Variants in PHRF1 observed in about 807,000 individuals in gnomAD.
The protein encoded by PHRF1 is PHD and RING finger domain-containing protein 1.
A neutral mutation model predicts 128.9 loss-of-function variants in PHRF1; 53 were observed. The observed-to-expected ratio is 0.41, with a 90% CI of 0.33 to 0.52. PHRF1 has a LOEUF of 0.52. PHRF1 is among the 20% of genes least tolerant of loss of function. The pLI is 0.21. For synonymous variants in PHRF1, 1,178 were observed against 980.6 expected (o/e 1.20, Z -3.76); for missense variants, 2,503 against 2,284.5 (o/e 1.10, Z -1.95).
chr11:596,939 T>C lies in PHRF1; in HGVS notation c.637T>C (p.Leu213=), dbSNP rs781470387. ...GCDAGYHMEC[L]DPPLQEVPVD... is the part of the protein sequence containing the mutation. ...CTCCTGTAGGTACCACATGGAATGC[T>C]TGGACCCCCCTCTCCAGGAGGTGCC... Residue 213 remains leucine (L), a synonymous_variant, in exon 7 of 18, where the codon TTG becomes CTG. Transcript: ENST00000264555. 1 of 1,613,858 alleles carries C rather than the reference T, an allele frequency of 6.2e-7. No individual in the cohort carries two copies. The highest frequency in any genetic ancestry group is 8.5e-7 in the Non-Finnish European group (1 of 1,179,872).
At chr11:583,384 G>T (rs762085065) in intron 3 of PHRF1, among the ~76,000 whole-genome samples, 1 of 152,038 alleles carries the variant, frequency 6.6e-6, no homozygotes, top group Admixed American at 6.6e-5. Context: ...GGGCGTGGTG[G>T]TGCGTGCCTG....
chr11:598,266 G>T (rs1368693104), intron 8 of PHRF1, 107 bp from the exon 9 acceptor site: 1 of 1,400,368 alleles, frequency 7.1e-7, no homozygotes, highest in East Asian at 2.7e-5. Flanking sequence ...AGGCTGTCCT[G>T]CTTCTCTGGC....
At chr11:594,759 A>G (rs924116063) in intron 6 of PHRF1, among the ~76,000 whole-genome samples, 2 of 152,216 alleles carry the variant, frequency 1.3e-5, no homozygotes, top group Non-Finnish European at 2.9e-5. Context: ...ACTATGCCCA[A>G]CCTAGTTGTA....
At chr11:577,103 G>C (rs1054431176) in intron 1 of PHRF1, among the ~76,000 whole-genome samples, 1 of 152,194 alleles carries the variant, frequency 6.6e-6, no homozygotes, top group African/African-American at 2.4e-5. Context: ...GTGGGCTTCT[G>C]GCCTTGTCTG....
rs760348941 is a variant in PHRF1 at position 610,480 on chromosome 11, C to T, written c.4417-21C>T. 8 of 1,596,134 alleles carry T rather than the reference C, an allele frequency of 5.0e-6. No homozygotes were observed. In the Admixed American group the frequency reaches 6.8e-5, roughly 13 times the overall value. ...GCTGCTAGCTGTAGGGCCCAGTGCT[C>T]AGCAGGGGTGTCCCTCCCAGGTTTA... is the stretch of plus-strand genomic sequence containing the variant. On this transcript the variant is annotated intron_variant, in intron 15 of 17. Coordinates refer to ENST00000264555, the MANE Select transcript of PHRF1 (RefSeq NM_001286581.2).
Position 612,015 on chromosome 11 carries a change from A to G in PHRF1, c.*238A>G. ...ACACTTTTGTATGTATATTATAGAG[A>G]CACTGTTTCCATTCTAATTTATCAA... On this transcript the variant is annotated 3_prime_UTR_variant, in exon 18 of 18. Transcript: ENST00000264555. 3.7e-6 allele frequency: 2 copies of G among 545,340 alleles called. No individual in the cohort carries two copies. Among genetic ancestry groups the G allele is most frequent in the Non-Finnish European group, 6.3e-6 (2 of 317,438 alleles). 33.8% of individuals were successfully genotyped at this position (545,340 alleles called of 1,614,324 possible).
intron 10 of PHRF1, 42 bp from the exon 11 acceptor site, chr11:605,076 TC>T: frequency 6.4e-7 from 1 of 1,563,246 alleles, no homozygotes; most frequent in Non-Finnish European, 8.7e-7. Flanking sequence ...GTAGATGCCA[TC>T]CCCGTCTCTC....
intron 17 of PHRF1, among the ~76,000 whole-genome samples, 156 bp from the exon 18 acceptor site, chr11:611,478 C>A (rs1278301603): frequency 6.6e-6 from 1 of 152,178 alleles, no homozygotes; most frequent in African/African-American, 2.4e-5. Context: ...GGGGGTCTCA[C>A]ATAGGTGGGG....
rs772887937 is a variant in PHRF1 at position 598,391 on chromosome 11, G to A, written c.913G>A (p.Gly305Arg). ...RRVQHTPGRLGSSLLDEAIEA... is the reference protein window; with the variant it reads ...RRVQHTPGRLRSSLLDEAIEA... ...CCTGTAGCACACACCAGGGCGCCTC[G>A]GGTCTTCCCTGCTGGATGAAGCCAT... The change falls in exon 9 of 18, where the codon GGG becomes AGG. Residue 305 changes from glycine to arginine, a missense_variant. Physicochemically the swap from Gly to Arg is moderately radical, Grantham distance 125. Transcript: ENST00000264555. The A allele has an allele frequency of 8.1e-6, 13 of 1,610,068 alleles. No individual in the cohort carries two copies. The highest frequency in any genetic ancestry group is 1.1e-5 in the South Asian group (1 of 91,066).
intron 1 of PHRF1, among the ~76,000 whole-genome samples, chr11:580,661 G>A (rs1854149497): frequency 6.6e-6 from 1 of 152,214 alleles, no homozygotes; most frequent in South Asian, 2.1e-4. Flanking sequence ...AGGCCGTTTT[G>A]TTCGTATATG....
intron 6 of PHRF1, among the ~76,000 whole-genome samples, chr11:596,523 C>G (rs1855287878): frequency 1.3e-5 from 2 of 152,190 alleles, no homozygotes; most frequent in South Asian, 4.1e-4. Context: ...TGTGTCGCAG[C>G]CAGCTCAGTT....
chr11:591,412 C>A lies in PHRF1; in HGVS notation c.449C>A (p.Thr150Asn), dbSNP rs774511285. Reference protein sequence around the residue: ...KNANSCPVDRTLFKCICIRAQ... With the variant: ...KNANSCPVDRNLFKCICIRAQ... ...GCCAATTCCTGTCCAGTTGATCGAACTCTATTTAAGTGCATTTGTATTCGA... is the reference window on the plus strand; with the variant it reads ...GCCAATTCCTGTCCAGTTGATCGAAATCTATTTAAGTGCATTTGTATTCGA... Residue 150 changes from threonine to asparagine, a missense_variant, in exon 5 of 18, where the codon ACT becomes AAT. By Grantham distance (65) the Thr-to-Asn change is moderately conservative. Coordinates refer to ENST00000264555, the MANE Select transcript of PHRF1 (RefSeq NM_001286581.2). 1 of 1,609,846 alleles carries A rather than the reference C, an allele frequency of 6.2e-7. No individual in the cohort carries two copies.
intron 9 of PHRF1, 27 bp from the exon 10 acceptor site, chr11:601,547 G>T (rs774173706): frequency 4.3e-6 from 7 of 1,613,254 alleles, no homozygotes; most frequent in Non-Finnish European, 5.1e-6. Context: ...GCACAGAGAA[G>T]CACAGACTTC....
chr11:608,691 C>A lies in PHRF1; in HGVS notation c.3235C>A (p.Arg1079=). Residue 1079 remains arginine (R), a synonymous_variant, in exon 14 of 18, where the codon CGG becomes AGG. Coordinates refer to ENST00000264555, the MANE Select transcript of PHRF1 (RefSeq NM_001286581.2). ...CAAGGACAAGAGCAGGGAGCACAGG[C>A]GGGGCCCCTGGGGCCACAGCCGGAG... ...KAKDKSREHR[R]GPWGHSRRTS... is the part of the protein sequence containing the mutation. The A allele has an allele frequency of 6.2e-7, 1 of 1,611,734 alleles. No homozygotes were observed. Among genetic ancestry groups the A allele is most frequent in the East Asian group, 2.2e-5 (1 of 44,856 alleles).
chr11:581,737 G>A (rs939305415), intron 2 of PHRF1, 131 bp downstream of exon 2: 4 of 1,045,146 alleles, frequency 3.8e-6, no homozygotes, highest in Admixed American at 6.1e-5. Context: ...ATTTTAAATT[G>A]CGGAAGTAGT....
rs1246828429 is a variant in PHRF1, at chr11:608,509, G to A, written c.3053G>A (p.Arg1018His). 4.1e-6 allele frequency: 6 copies of A among 1,448,012 alleles called. No homozygotes were observed. Among genetic ancestry groups the A allele is most frequent in the East Asian group, 2.2e-5 (1 of 44,824 alleles). 89.7% of individuals were successfully genotyped at this position (1,448,012 alleles called of 1,614,324 possible). A position where few individuals can be genotyped will look rare whatever the true frequency, so the allele number is the denominator to read the frequency against. Residue 1018 changes from arginine (R) to histidine (H), a missense_variant, in exon 14 of 18, where the codon CGC becomes CAC. Physicochemically the swap from Arg to His is conservative, Grantham distance 29. Transcript: ENST00000264555. ...GTGTCCAGGGAGCACGGACGGACGCGCTCTGGGACGCGCTCTGAATCCAGG... is the reference window on the plus strand; with the variant it reads ...GTGTCCAGGGAGCACGGACGGACGCACTCTGGGACGCGCTCTGAATCCAGG... Reference protein sequence around the residue: ...KRVSREHGRTRSGTRSESRDR... With the variant: ...KRVSREHGRTHSGTRSESRDR...
chr11:601,650 A>G lies in PHRF1; in HGVS notation c.1101A>G (p.Arg367=), dbSNP rs1360157450. Residue 367 remains arginine (R), a synonymous_variant, in exon 10 of 18, where the codon AGA becomes AGG. Coordinates refer to ENST00000264555, the MANE Select transcript of PHRF1 (RefSeq NM_001286581.2). ...PSAKSKSSAT[R]SKKRQHRVKK... is the part of the protein sequence containing the mutation. ...CAAAAAGTAAGAGCTCAGCGACAAG[A>G]TCTAAGAAACGCCAACATCGAGTGA... 1.9e-6 allele frequency: 3 copies of G among 1,613,708 alleles called. No individual in the cohort carries two copies. In the African/African-American group the frequency reaches 4.0e-5, roughly 22 times the overall value.
chr11:608,386 T>G lies in PHRF1; in HGVS notation c.2930T>G (p.Leu977Arg). ...GAAGCCCCACCCAGCCCGGACGTGC[T>G]GCAGGCTGCCACCCACAGAGTCGTG... ...EPEAPPSPDV[L>R]QAATHRVVEL... The change falls in exon 14 of 18, where the codon CTG (leucine) becomes CGG (arginine). Residue 977 changes from leucine to arginine, a missense_variant. Transcript: ENST00000264555. 1.9e-6 allele frequency: 3 copies of G among 1,611,680 alleles called. No homozygotes were observed. The highest frequency in any genetic ancestry group is 2.5e-6 in the Non-Finnish European group (3 of 1,179,544).
rs1387732613 is a variant in PHRF1 at position 597,821 on chromosome 11, G to A, written c.894+251G>A. 6.6e-6 allele frequency among the ~76,000 whole-genome samples: 1 copy of A among 152,150 alleles called. No homozygotes were observed. Among genetic ancestry groups the A allele is most frequent in the East Asian group, 1.9e-4 (1 of 5,188 alleles). On this transcript the variant is annotated intron_variant, in intron 8 of 17. Coordinates refer to ENST00000264555, the MANE Select transcript of PHRF1 (RefSeq NM_001286581.2). The surrounding 1 kb of genome is among the most constrained non-coding windows in gnomAD (Gnocchi z 6.5). ...AGGTGAAGCCTGGCCCTGGCGGGGT[G>A]GGGGCTCTAGGAAACCCCCCTTGTT...
Sources: allele counts gnomAD v4.1 joint callset (sites outside exome capture counted in the v4.1 genomes callset), GRCh38; gene constraint gnomAD v4.1.1; non-coding constraint Gnocchi (gnomAD v3.1); transcripts MANE v1.5; gene names NCBI Gene and HGNC (gene_info 2026-07-23, HGNC 2026-07-21).